RAD51B: variants seen among roughly 807,000 people sequenced by gnomAD.
The protein encoded by RAD51B is RAD51 paralog B, also known as DNA repair protein RAD51 homolog 2.
RAD51B carries 38 observed loss-of-function variants against 42.2 expected under a neutral mutation model. The ratio of observed to expected loss-of-function variants is 0.90; its 90% CI spans 0.70 to 1.18. The LOEUF (loss-of-function observed/expected upper bound fraction) is 1.18. RAD51B is among the 50% of genes most tolerant of loss of function. RAD51B has a pLI of 0.00. For synonymous variants in RAD51B, 154 were observed against 145.2 expected (o/e 1.06, Z -0.43); for missense variants, 373 against 400.7 (o/e 0.93, Z 0.59).
chr14:68,287,301 A>G (rs893505498), intron 7 of RAD51B, among the ~76,000 whole-genome samples: 3 of 152,228 alleles, frequency 2.0e-5, no homozygotes, highest in Non-Finnish European at 2.9e-5. Context: ...CATTTCCTAT[A>G]CAGGTGCACC....
At chr14:67,962,631 C>T (rs1193546498) in intron 7 of RAD51B, among the ~76,000 whole-genome samples, 3 of 152,094 alleles carry the variant, frequency 2.0e-5, no homozygotes, top group East Asian at 1.9e-4. Flanking sequence ...AGGCCACAGG[C>T]GTATCCTCTC....
At chr14:68,422,816 C>T (rs1313724193) in intron 9 of RAD51B, among the ~76,000 whole-genome samples, 1 of 152,158 alleles carries the variant, frequency 6.6e-6, no homozygotes, top group East Asian at 1.9e-4. Context: ...TCAGTTACTG[C>T]AAAGTTGACA....
chr14:68,616,163 A>G (rs2140112076), downstream of RAD51B, among the ~76,000 whole-genome samples: 1 of 152,312 alleles, frequency 6.6e-6, no homozygotes, highest in South Asian at 2.1e-4. Flanking sequence ...TTAATATTTT[A>G]AAGAAATTTT....
At chr14:68,673,549 T>C (rs12898061) in intron 11 of RAD51B, among the ~76,000 whole-genome samples, 20,579 of 150,242 alleles carry the variant, frequency 0.14, 1,811 homozygotes, top group Non-Finnish European at 0.19. Context: ...CATACATATG[T>C]ACACACATAT....
intron 10 of RAD51B, among the ~76,000 whole-genome samples, chr14:68,593,074 A>C (rs2257116): frequency 0.2 from 30,414 of 152,194 alleles, 3,223 homozygotes; most frequent in Non-Finnish European, 0.23. Context: ...AGACTGAGGC[A>C]CCAGGTCAGA....
At chr14:67,903,377 G>C (rs10148893) in intron 7 of RAD51B, among the ~76,000 whole-genome samples, 9,481 of 151,948 alleles carry the variant, frequency 0.062, 702 homozygotes, top group African/African-American at 0.18. Flanking sequence ...CTAAATATTT[G>C]CCTTAAGAAG....
At chr14:68,494,955 C>T (rs181942082) in intron 10 of RAD51B, among the ~76,000 whole-genome samples, 12 of 152,272 alleles carry the variant, frequency 7.9e-5, no homozygotes, top group African/African-American at 2.2e-4. Context: ...AGTTCTGACT[C>T]GCTTGTAGAT....
intron 10 of RAD51B, among the ~76,000 whole-genome samples, chr14:68,609,691 G>A (rs1891600067): frequency 6.6e-6 from 1 of 151,890 alleles, no homozygotes; most frequent in South Asian, 2.1e-4. Flanking sequence ...CCCTTAGATG[G>A]CTTTCTCTCA....
At chr14:68,008,617 ATTAT>A (rs1269722000) in intron 7 of RAD51B, among the ~76,000 whole-genome samples, 7 of 152,104 alleles carry the variant, frequency 4.6e-5, no homozygotes, top group African/African-American at 1.4e-4. Flanking sequence ...GATTAAATGG[ATTAT>A]TATGGTGCAG....
intron 10 of RAD51B, chr14:68,563,648 G>A (rs901331852): frequency 4.1e-6 from 4 of 985,380 alleles, no homozygotes; most frequent in Non-Finnish European, 4.8e-6. Context: ...ATGGGCCATC[G>A]GTCATGCTTC....
chr14:68,231,914 A>G (rs1442256560), intron 7 of RAD51B, among the ~76,000 whole-genome samples: 1 of 152,236 alleles, frequency 6.6e-6, no homozygotes, highest in Non-Finnish European at 1.5e-5. Flanking sequence ...ACAGGAATGT[A>G]ATATAAATGC....
intron 11 of RAD51B, among the ~76,000 whole-genome samples, chr14:68,673,406 C>A (rs1048338881): frequency 4.0e-4 from 47 of 118,484 alleles, no homozygotes; most frequent in Admixed American, 3.0e-3. Flanking sequence ...CACACATACA[C>A]ACACATACTG....
At chr14:68,119,221 C>A (rs1194728862) in intron 7 of RAD51B, among the ~76,000 whole-genome samples, 3 of 151,302 alleles carry the variant, frequency 2.0e-5, no homozygotes, top group Non-Finnish European at 4.4e-5. Context: ...TTTGTAGAGA[C>A]AGGGTCTCAC....
intron 8 of RAD51B, among the ~76,000 whole-genome samples, chr14:68,341,006 G>A (rs2082561581): frequency 6.6e-6 from 1 of 152,212 alleles, no homozygotes; most frequent in African/African-American, 2.4e-5. Flanking sequence ...TTCAGGGAAG[G>A]TGAGAAGCAA....
intron 7 of RAD51B, among the ~76,000 whole-genome samples, chr14:68,165,441 T>G (rs1253245407): frequency 6.6e-6 from 1 of 152,082 alleles, no homozygotes; most frequent in African/African-American, 2.4e-5. Flanking sequence ...ACAGTGAAAA[T>G]GGGGCCGCTT....
At chr14:68,111,341 C>G (rs184564235) in intron 7 of RAD51B, among the ~76,000 whole-genome samples, 2 of 152,140 alleles carry the variant, frequency 1.3e-5, no homozygotes, top group African/African-American at 4.8e-5. Context: ...AAAGAGCTGT[C>G]AGAAACTGAT....
chr14:68,643,805 T>C (rs1892512237), intron 10 of RAD51B, among the ~76,000 whole-genome samples: 1 of 152,144 alleles, frequency 6.6e-6, no homozygotes, highest in Non-Finnish European at 1.5e-5. Flanking sequence ...ACTCAAACAC[T>C]ACAACATTAG....
chr14:68,603,952 C>T (rs955799099), intron 10 of RAD51B, among the ~76,000 whole-genome samples: 5 of 152,236 alleles, frequency 3.3e-5, no homozygotes, highest in Admixed American at 6.5e-5. Flanking sequence ...CGGAGGGAAG[C>T]GTTCACTCTA....
In RAD51B at chr14:68,571,948, A is replaced by G. The variant is rs533906019; in HGVS notation, c.1037-22537A>G. Among the ~76,000 whole-genome samples, 6 of 152,328 alleles carry G rather than the reference A, an allele frequency of 3.9e-5. No homozygotes were observed. The South Asian group carries it at 1.2e-3, about 32-fold the overall frequency. On this transcript the variant is annotated intron_variant, in intron 10 of 10. Transcript: ENST00000487270. ...GAAGGAGCTACAAGAGGCGGCACAGAAAGTGGACATCGATTTTATTTCGTT... is the reference window on the plus strand; with the variant it reads ...GAAGGAGCTACAAGAGGCGGCACAGGAAGTGGACATCGATTTTATTTCGTT...
Sources: allele counts gnomAD v4.1 joint callset (sites outside exome capture counted in the v4.1 genomes callset), GRCh38; gene constraint gnomAD v4.1.1; transcripts MANE v1.5; gene names NCBI Gene and HGNC (gene_info 2026-07-23, HGNC 2026-07-21).